MTSS1: variants seen among roughly 807,000 people sequenced by gnomAD.
The protein encoded by MTSS1 is protein MTSS 1.
MTSS1 carries 18 observed loss-of-function variants against 79.0 expected under a neutral mutation model. That is an observed-to-expected ratio of 0.23 (90% confidence interval 0.16 to 0.34). The LOEUF (loss-of-function observed/expected upper bound fraction) is 0.34, where lower values mean the gene tolerates loss of function less well. MTSS1 is among the 10% of genes least tolerant of loss of function. The pLI, the probability that MTSS1 is intolerant of heterozygous loss-of-function variation, is 1.00. For missense variants in MTSS1, 815 were observed against 986.2 expected (o/e 0.83, Z 2.33); for synonymous variants, 341 against 368.6 (o/e 0.93, Z 0.86).
At chr8:124,649,141 T>C (rs1819518288) in intron 3 of MTSS1, among the ~76,000 whole-genome samples, 1 of 152,260 alleles carries the variant, frequency 6.6e-6, no homozygotes, top group Non-Finnish European at 1.5e-5. Context: ...GCCCACTGCC[T>C]GTTTCTGTAA....
At chr8:124,614,469 TG>T (rs1342907726) in intron 3 of MTSS1, among the ~76,000 whole-genome samples, 1 of 152,252 alleles carries the variant, frequency 6.6e-6, no homozygotes, top group African/African-American at 2.4e-5. Flanking sequence ...GTCCTCATCA[TG>T]GGCATGGAAA....
chr8:124,602,286 G>A (rs1004496674), intron 3 of MTSS1, among the ~76,000 whole-genome samples: 5 of 149,460 alleles, frequency 3.3e-5, no homozygotes, highest in Admixed American at 2.0e-4. Flanking sequence ...TGCAACCTCC[G>A]CCTCCTGGGT....
Position 124,553,507 on chromosome 8 carries a change from C to G in MTSS1, c.1753G>C (p.Gly585Arg). The G allele has an allele frequency of 1.2e-6, 2 of 1,614,030 alleles. No homozygotes were observed. The highest frequency in any genetic ancestry group is 1.7e-6 in the Non-Finnish European group (2 of 1,179,976). ...TTLGPAMVTPGVATIRRTPST... is the reference protein window; with the variant it reads ...TTLGPAMVTPRVATIRRTPST... Reference sequence around the variant, plus strand: ...GGGGTCCGTCGGATAGTTGCAACCCCTGGAGTGACCATAGCAGGTCCCAGG... The same window carrying G: ...GGGGTCCGTCGGATAGTTGCAACCCGTGGAGTGACCATAGCAGGTCCCAGG... Residue 585 changes from glycine to arginine, a missense_variant, in exon 14 of 14, where the codon GGG (glycine) becomes CGG (arginine). Transcript: ENST00000518547. The surrounding 1 kb of genome is among the most constrained non-coding windows in gnomAD (Gnocchi z 6.0).
chr8:124,607,365 G>A (rs930584376), intron 3 of MTSS1, among the ~76,000 whole-genome samples: 5 of 152,168 alleles, frequency 3.3e-5, no homozygotes, highest in Admixed American at 6.5e-5. Context: ...AAACTAACTC[G>A]TATACTATCT....
intron 1 of MTSS1, among the ~76,000 whole-genome samples, chr8:124,722,486 C>T (rs1588002739): frequency 2.0e-5 from 3 of 152,160 alleles, no homozygotes; most frequent in Admixed American, 2.0e-4. Context: ...TTCTGATTTG[C>T]CTTGGTGGCT....
chr8:124,613,060 G>T (rs946914722), intron 3 of MTSS1, among the ~76,000 whole-genome samples: 3 of 152,128 alleles, frequency 2.0e-5, no homozygotes, highest in African/African-American at 7.2e-5. Flanking sequence ...CTATACCTAG[G>T]CTGTCTCTCA....
chr8:124,575,109 AC>A (rs1828718023), intron 6 of MTSS1, among the ~76,000 whole-genome samples: 1 of 152,208 alleles, frequency 6.6e-6, no homozygotes, highest in South Asian at 2.1e-4. Flanking sequence ...GCAAGGTGAC[AC>A]TGGAGATTAG....
At chr8:124,685,489 G>A (rs558270835) in intron 3 of MTSS1, among the ~76,000 whole-genome samples, 1 of 152,340 alleles carries the variant, frequency 6.6e-6, no homozygotes, top group South Asian at 2.1e-4. Context: ...TCTCAGCGGG[G>A]ATCCTAAGCC....
intron 1 of MTSS1, among the ~76,000 whole-genome samples, chr8:124,709,423 A>G (rs1830840061): frequency 6.6e-6 from 1 of 152,200 alleles, no homozygotes; most frequent in Non-Finnish European, 1.5e-5. Context: ...ACCTGAGAAC[A>G]CATAAAGGCT....
At position 124,555,920 on chromosome 8, in the gene MTSS1, G is replaced by A. The variant is rs373472186; in HGVS notation, c.1405-16C>T. On this transcript the variant is annotated splice_polypyrimidine_tract_variant and intron_variant, in intron 12 of 13. Transcript: ENST00000518547. ...CCTCACCAGGCTGCAGGTTGGAGGA[G>A]AGAAATACACAGGTTGCTTTAGGGG... 2 of 1,596,010 alleles carry A rather than the reference G, an allele frequency of 1.3e-6. No homozygotes were observed. Among genetic ancestry groups the A allele is most frequent in the Non-Finnish European group, 1.7e-6 (2 of 1,176,432 alleles).
At chr8:124,676,765 T>A (rs896928262) in intron 3 of MTSS1, among the ~76,000 whole-genome samples, 1 of 152,064 alleles carries the variant, frequency 6.6e-6, no homozygotes, top group Non-Finnish European at 1.5e-5. Flanking sequence ...ATAAAGCGAG[T>A]GCAATCACAG....
intron 3 of MTSS1, among the ~76,000 whole-genome samples, chr8:124,643,423 C>T (rs566355174): frequency 1.6e-4 from 24 of 152,218 alleles, no homozygotes; most frequent in Non-Finnish European, 3.5e-4. Context: ...TCTAGCCCGG[C>T]GCAGTGGCTC....
intron 1 of MTSS1, among the ~76,000 whole-genome samples, chr8:124,714,729 C>A (rs959667995): frequency 6.6e-6 from 1 of 152,154 alleles, no homozygotes; most frequent in African/African-American, 2.4e-5. Flanking sequence ...TCCTAAAGTG[C>A]TGGGATTGAT....
chr8:124,590,970 C>A (rs547316355), intron 4 of MTSS1, among the ~76,000 whole-genome samples, 181 bp downstream of exon 4: 14 of 152,310 alleles, frequency 9.2e-5, no homozygotes, highest in African/African-American at 1.4e-4. Flanking sequence ...TGGTGATCTG[C>A]TGCACCCCCA....
chr8:124,677,057 TTCTCTGGCTG>T, intron 3 of MTSS1, among the ~76,000 whole-genome samples: 2 of 152,146 alleles, frequency 1.3e-5, no homozygotes, highest in Non-Finnish European at 2.9e-5. Flanking sequence ...AGCCTACAAA[TTCTCTGGCTG>T]GAATGATACC....
At chr8:124,713,496 T>A (rs1390414972) in intron 1 of MTSS1, among the ~76,000 whole-genome samples, 2 of 152,228 alleles carry the variant, frequency 1.3e-5, no homozygotes, top group East Asian at 3.8e-4. Flanking sequence ...TGATCTTGGC[T>A]CACTGCAACC....
intron 10 of MTSS1, among the ~76,000 whole-genome samples, chr8:124,562,512 A>G (rs1825556064): frequency 7.7e-6 from 1 of 130,386 alleles, no homozygotes; most frequent in African/African-American, 2.5e-5. Context: ...AGAGTGGTCA[A>G]ACCTCTTTCA....
chr8:124,573,408 A>AC, intron 6 of MTSS1, among the ~76,000 whole-genome samples: 1 of 151,984 alleles, frequency 6.6e-6, no homozygotes, highest in South Asian at 2.1e-4. Context: ...TCACAGCACT[A>AC]CCCCCGGTTT....
chr8:124,722,573 TG>T (rs940090651), intron 1 of MTSS1, among the ~76,000 whole-genome samples: 1 of 152,240 alleles, frequency 6.6e-6, no homozygotes, highest in African/African-American at 2.4e-5. Context: ...GCTTCCTTAA[TG>T]CTCAGCCAAT....
Sources: gnomAD v4.1 joint callset for allele counts (sites outside exome capture counted in the v4.1 genomes callset) on GRCh38, gnomAD v4.1.1 for gene constraint, Gnocchi (gnomAD v3.1) non-coding constraint, MANE v1.5 for transcripts, NCBI Gene and HGNC (gene_info 2026-07-23, HGNC 2026-07-21) for gene names.